SLC14A2: variants seen among roughly 807,000 people sequenced by gnomAD.
SLC14A2 encodes the protein solute carrier family 14 member 2, also known as urea transporter 2.
In SLC14A2, 91 loss-of-function variants were observed where a neutral mutation model predicts 104.6. The ratio of observed to expected loss-of-function variants is 0.87; its 90% CI spans 0.73 to 1.04. The LOEUF (loss-of-function observed/expected upper bound fraction) is 1.04. SLC14A2 is among the 50% of genes least tolerant of loss of function. SLC14A2 has a pLI of 0.00. For missense variants in SLC14A2, 1,189 were observed against 1,156.0 expected (o/e 1.03, Z -0.41); for synonymous variants, 476 against 466.4 (o/e 1.02, Z -0.27).
chr18:45,383,727 G>T (rs1310684702), intron 1 of SLC14A2, among the ~76,000 whole-genome samples: 2 of 152,140 alleles, frequency 1.3e-5, no homozygotes, highest in African/African-American at 2.4e-5. Flanking sequence ...GCCCCAAGTT[G>T]TTCCATGTGT....
At chr18:45,661,214 C>A (rs962227239) in intron 10 of SLC14A2, among the ~76,000 whole-genome samples, 9 of 152,200 alleles carry the variant, frequency 5.9e-5, no homozygotes, top group Non-Finnish European at 1.3e-4. Context: ...CATCAGCAAG[C>A]CCAGCACTCT....
chr18:45,491,389 G>A (rs570314036), intron 2 of SLC14A2, among the ~76,000 whole-genome samples: 16 of 152,090 alleles, frequency 1.1e-4, no homozygotes, highest in East Asian at 1.9e-4. Context: ...TATCAATCAC[G>A]TATGGATTCA....
chr18:45,407,737 GGATT>G (rs1235028843), intron 1 of SLC14A2, among the ~76,000 whole-genome samples: 1 of 152,102 alleles, frequency 6.6e-6, no homozygotes, highest in Non-Finnish European at 1.5e-5. Context: ...TGTATCTCAG[GGATT>G]AAGGAGGCCA....
rs116612419 is a variant in SLC14A2, at chr18:45,418,263, C to T, written c.-124-64970C>T. Among the ~76,000 whole-genome samples, 1,373 of 152,112 alleles carry T rather than the reference C, an allele frequency of 9.0e-3. 20 individuals carry two copies. Among genetic ancestry groups the T allele is most frequent in the African/African-American group, 0.031 (1,281 of 41,458 alleles). ...GGGTACTCACAAGCTTGGAGGGAGA[C>T]GAGACATAAAGAACCTGGATAGTTA... On this transcript the variant is annotated intron_variant, in intron 1 of 20. Transcript: ENST00000586448.
intron 2 of SLC14A2, among the ~76,000 whole-genome samples, chr18:45,506,976 G>T (rs2043296654): frequency 6.6e-6 from 1 of 152,300 alleles, no homozygotes; most frequent in East Asian, 1.9e-4. Context: ...CCACTCACCA[G>T]CTATATACCC....
the SLC14A2 span, among the ~76,000 whole-genome samples, chr18:45,195,611 T>G: frequency 6.6e-6 from 1 of 152,076 alleles, no homozygotes; most frequent in African/African-American, 2.4e-5. Context: ...AGGCTGGTCT[T>G]GAACTCCTGA....
At chr18:45,303,195 CGTACAGAAATCGACAGTGAG>C (rs1459003350) in intron 1 of SLC14A2, among the ~76,000 whole-genome samples, 9 of 152,272 alleles carry the variant, frequency 5.9e-5, no homozygotes, top group African/African-American at 2.2e-4. Context: ...AGGGAAATGA[CGTACAGAAATCGACAGTGAG>C]GTACAGAAAC....
chr18:45,565,114 G>A (rs542201353), intron 2 of SLC14A2, among the ~76,000 whole-genome samples: 28 of 151,846 alleles, frequency 1.8e-4, no homozygotes, highest in African/African-American at 5.8e-4. Flanking sequence ...TTGTGAGCGT[G>A]CATGCATGTG....
At chr18:45,520,296 A>C (rs1284185188) in intron 2 of SLC14A2, among the ~76,000 whole-genome samples, 1 of 152,136 alleles carries the variant, frequency 6.6e-6, no homozygotes. Flanking sequence ...CCTCAACTAA[A>C]ATCTCAAAAA....
chr18:45,673,338 A>T (rs2046173024), intron 17 of SLC14A2, among the ~76,000 whole-genome samples: 1 of 152,242 alleles, frequency 6.6e-6, no homozygotes, highest in Non-Finnish European at 1.5e-5. Flanking sequence ...CAATGACAGC[A>T]AGAAAGATTC....
chr18:45,506,304 T>C (rs1309909401), intron 2 of SLC14A2, among the ~76,000 whole-genome samples: 1 of 152,130 alleles, frequency 6.6e-6, no homozygotes, highest in Non-Finnish European at 1.5e-5. Flanking sequence ...CCACAGAGCC[T>C]TCTTCTAGTT....
chr18:45,461,063 T>C (rs540581780), intron 1 of SLC14A2, among the ~76,000 whole-genome samples: 9 of 152,306 alleles, frequency 5.9e-5, no homozygotes, highest in African/African-American at 1.7e-4. Flanking sequence ...GATTATTTTC[T>C]ACAATTCCTT....
At chr18:45,646,976 A>G (rs2045636757) in intron 10 of SLC14A2, 1 of 152,218 alleles carries the variant, frequency 6.6e-6, no homozygotes, top group Non-Finnish European at 1.5e-5. Context: ...ATCATTAAAG[A>G]TGTGTCAGTT....
At chr18:45,522,145 G>A (rs1483575918) in intron 2 of SLC14A2, among the ~76,000 whole-genome samples, 1 of 152,190 alleles carries the variant, frequency 6.6e-6, no homozygotes, top group Non-Finnish European at 1.5e-5. Context: ...TTCACGTGGG[G>A]TTACTGTGGA....
chr18:45,640,921 C>A (rs1384711748), intron 7 of SLC14A2, among the ~76,000 whole-genome samples: 1 of 152,224 alleles, frequency 6.6e-6, no homozygotes, highest in Non-Finnish European at 1.5e-5. Flanking sequence ...TTGCTGTAGT[C>A]AAAGCAGTAA....
At chr18:45,368,023 G>T (rs2085684123) in intron 1 of SLC14A2, among the ~76,000 whole-genome samples, 1 of 152,084 alleles carries the variant, frequency 6.6e-6, no homozygotes, top group Admixed American at 6.6e-5. Context: ...ATGTCTCTTT[G>T]CTGCTCTGTG....
intron 1 of SLC14A2, among the ~76,000 whole-genome samples, chr18:45,480,355 C>T (rs1223043311): frequency 1.3e-5 from 2 of 152,132 alleles, no homozygotes; most frequent in East Asian, 3.9e-4. Flanking sequence ...TCAAATTGCT[C>T]ATGCCCTGTA....
intron 2 of SLC14A2, among the ~76,000 whole-genome samples, chr18:45,586,352 TG>T (rs2044567244): frequency 6.6e-6 from 1 of 151,482 alleles, no homozygotes; most frequent in Non-Finnish European, 1.5e-5. Context: ...TAGTGAGGAG[TG>T]GGGGAGGAGA....
the SLC14A2 span, among the ~76,000 whole-genome samples, chr18:45,202,204 G>GT: frequency 6.6e-6 from 1 of 152,078 alleles, no homozygotes; most frequent in Non-Finnish European, 1.5e-5. Context: ...TATTTGTAAG[G>GT]TTCCCCAACA....
Sources: gnomAD v4.1 joint callset for allele counts (sites outside exome capture counted in the v4.1 genomes callset) on GRCh38, gnomAD v4.1.1 for gene constraint, MANE v1.5 for transcripts, NCBI Gene and HGNC (gene_info 2026-07-23, HGNC 2026-07-21) for gene names.